Variants in PPARGC1B observed in about 807,000 individuals in gnomAD.
PPARGC1B encodes the protein peroxisome proliferator-activated receptor gamma coactivator 1-beta.
PPARGC1B carries 34 observed loss-of-function variants against 101.6 expected under a neutral mutation model. The observed-to-expected ratio is 0.33, with a 90% CI of 0.25 to 0.45. The LOEUF (loss-of-function observed/expected upper bound fraction) is 0.45. Among genes scored for constraint, PPARGC1B ranks in the 20% least tolerant of loss-of-function variants. The pLI is 1.00. For synonymous variants in PPARGC1B, 548 were observed against 539.3 expected (o/e 1.02, Z -0.22); for missense variants, 1,234 against 1,317.6 (o/e 0.94, Z 0.98).
Position 149,837,107 on chromosome 5 carries a change from C to T in PPARGC1B, c.2618+34C>T. ...AGGGGGCTGCAGGAGAGGCAGCGGG[C>T]AGTGGAGGATCCCAGTTCCCGGGGA... On this transcript the variant is annotated intron_variant, in intron 8 of 11. Coordinates refer to ENST00000309241, the MANE Select transcript of PPARGC1B (RefSeq NM_133263.4). This position sits in a 1 kb window ranked among gnomAD's most constrained non-coding sequence, Gnocchi z 4.2. The T allele has an allele frequency of 6.4e-7, 1 of 1,557,822 alleles. No homozygotes were observed. Among genetic ancestry groups the T allele is most frequent in the South Asian group, 1.2e-5 (1 of 83,170 alleles).
chr5:149,768,094 C>T (rs181295643), intron 1 of PPARGC1B, among the ~76,000 whole-genome samples: 37 of 151,984 alleles, frequency 2.4e-4, no homozygotes, highest in African/African-American at 7.7e-4. Context: ...TGGTTGCTGT[C>T]GCTGCAGAAA....
chr5:149,835,263 C>T, intron 6 of PPARGC1B, 38 bp from the exon 7 acceptor site: 1 of 1,606,106 alleles, frequency 6.2e-7, no homozygotes, highest in South Asian at 1.1e-5. Flanking sequence ...CTGCTGCTGA[C>T]TTGCTTCTTT....
At chr5:149,824,875 T>A (rs978631096) in intron 2 of PPARGC1B, among the ~76,000 whole-genome samples, 1 of 152,242 alleles carries the variant, frequency 6.6e-6, no homozygotes, top group Non-Finnish European at 1.5e-5. Context: ...TTCTAAAAAT[T>A]ACAAACGCGT....
chr5:149,819,654 C>T lies in PPARGC1B; in HGVS notation c.79-779C>T, dbSNP rs563779214. Among the ~76,000 whole-genome samples the T allele has an allele frequency of 4.6e-5, 7 of 152,314 alleles. 1 individual carries two copies. The highest frequency in any genetic ancestry group is 1.7e-4 in the African/African-American group (7 of 41,572). On this transcript the variant is annotated intron_variant, in intron 1 of 11. Transcript: ENST00000309241. Reference sequence around the variant, plus strand: ...AGTTACTGAGATTACAGGCATGCGCCACCACCCCTGGCTAATTTGTGTATT... The same window carrying T: ...AGTTACTGAGATTACAGGCATGCGCTACCACCCCTGGCTAATTTGTGTATT...
Position 149,833,782 on chromosome 5 carries a change from G to A in PPARGC1B, c.1705+4G>A. On this transcript the variant is annotated splice_donor_region_variant and intron_variant, in intron 5 of 11. Transcript: ENST00000309241. The surrounding 1 kb of genome is among the most constrained non-coding windows in gnomAD (Gnocchi z 4.1). ...TGCCCGCAGCTCCCTCCCAGAGGTA[G>A]TCAGAGTTGGTGGTCTGCGAAGTGG... 6.7e-7 allele frequency: 1 copy of A among 1,503,668 alleles called. No individual in the cohort carries two copies. The highest frequency in any genetic ancestry group is 8.8e-7 in the Non-Finnish European group (1 of 1,130,796). The allele number at this position is 1,503,668 out of a possible 1,614,324, so 93.1% of individuals were successfully genotyped here. A position where few individuals can be genotyped will look rare whatever the true frequency, so the allele number is the denominator to read the frequency against.
chr5:149,820,653 TCTC>T (rs1758256528), intron 2 of PPARGC1B, 47 bp downstream of exon 2: 1 of 1,563,170 alleles, frequency 6.4e-7, no homozygotes, highest in Admixed American at 1.7e-5. Flanking sequence ...CAGGCCTCTC[TCTC>T]CTCAAAATCC....
chr5:149,831,778 A>G (rs1758793157), intron 4 of PPARGC1B, among the ~76,000 whole-genome samples: 1 of 152,234 alleles, frequency 6.6e-6, no homozygotes, highest in Non-Finnish European at 1.5e-5. Context: ...AGTGTGGACA[A>G]GCGGGGCGAA....
intron 1 of PPARGC1B, among the ~76,000 whole-genome samples, chr5:149,809,687 T>TA (rs35168335): frequency 0.018 from 1,948 of 109,162 alleles, 45 homozygotes; most frequent in African/African-American, 0.046. Flanking sequence ...GATCCTTTCT[T>TA]AAAAAAAAAA....
At chr5:149,779,605 G>T (rs1756521501) in intron 1 of PPARGC1B, among the ~76,000 whole-genome samples, 1 of 152,208 alleles carries the variant, frequency 6.6e-6, no homozygotes, top group Non-Finnish European at 1.5e-5. Context: ...GCTCTGGGAA[G>T]TCCAGGGAGG....
chr5:149,751,720 A>AT (rs1305474197), intron 1 of PPARGC1B, among the ~76,000 whole-genome samples: 6 of 151,852 alleles, frequency 4.0e-5, no homozygotes, highest in Non-Finnish European at 8.8e-5. Flanking sequence ...AAAAAAAAAA[A>AT]AAGAAAAGAA....
intron 1 of PPARGC1B, among the ~76,000 whole-genome samples, chr5:149,799,692 TG>T (rs1180558470): frequency 1.8e-4 from 18 of 99,428 alleles, no homozygotes; most frequent in African/African-American, 6.3e-4. Context: ...TGCTTGTTGT[TG>T]TTTTTTTTTT....
rs865851601 is a variant in PPARGC1B at position 149,787,282 on chromosome 5, C to G, written c.79-33151C>G. ...TGGAAAAGATGGCCCTCTGGTTGCC[C>G]AGGACTAGGTCATGGGCCCACCCCT... On this transcript the variant is annotated intron_variant, in intron 1 of 11. Transcript: ENST00000309241. 2.4e-4 allele frequency among the ~76,000 whole-genome samples: 36 copies of G among 152,296 alleles called. No individual in the cohort carries two copies. The Middle Eastern group carries it at 0.01, about 43-fold the overall frequency.
rs1581131942 is a variant in PPARGC1B, at chr5:149,849,868, A to G, written c.*2310A>G. ...AAGGCAGGGCTTAGGAAGATGGACC[A>G]AAAAGGGACTTCCCACAGCACAGAC... On this transcript the variant is annotated 3_prime_UTR_variant, in exon 12 of 12. Transcript: ENST00000309241. 1 of 152,254 alleles carries G rather than the reference A, an allele frequency of 6.6e-6. No homozygotes were observed. Among genetic ancestry groups the G allele is most frequent in the African/African-American group, 2.4e-5 (1 of 41,458 alleles). The allele number at this position is 152,254 out of a possible 1,614,324, so 9.4% of individuals were successfully genotyped here. A position where few individuals can be genotyped will look rare whatever the true frequency, so the allele number is the denominator to read the frequency against.
intron 1 of PPARGC1B, among the ~76,000 whole-genome samples, chr5:149,799,882 A>C (rs1757376646): frequency 6.6e-6 from 1 of 151,542 alleles, no homozygotes; most frequent in Non-Finnish European, 1.5e-5. Flanking sequence ...ATTTTTTAAA[A>C]TAGAGATGGT....
intron 1 of PPARGC1B, among the ~76,000 whole-genome samples, chr5:149,732,530 T>G (rs995190500): frequency 6.6e-6 from 1 of 152,232 alleles, no homozygotes; most frequent in Non-Finnish European, 1.5e-5. Context: ...ACTAGAAAAT[T>G]GAATACTCAG....
At chr5:149,830,055 G>GAAAAAAAAAAAAA (rs71587791) in intron 3 of PPARGC1B, among the ~76,000 whole-genome samples, 2 of 89,814 alleles carry the variant, frequency 2.2e-5, no homozygotes, top group Non-Finnish European at 2.1e-5. Context: ...AAAAAAAAAA[G>GAAAAAAAAAAAAA]AAAAAAAAAA....
At chr5:149,845,635 C>T (rs998570221) in intron 10 of PPARGC1B, 125 bp from the exon 11 acceptor site, 6 of 980,702 alleles carry the variant, frequency 6.1e-6, no homozygotes, top group African/African-American at 1.6e-5. Flanking sequence ...TCATCTCTAT[C>T]TAGGGGGCCA....
At chr5:149,755,184 C>T (rs1755471979) in intron 1 of PPARGC1B, among the ~76,000 whole-genome samples, 2 of 151,442 alleles carry the variant, frequency 1.3e-5, no homozygotes, top group Admixed American at 1.3e-4. Flanking sequence ...GCTGGGATTA[C>T]AGGCGTGACC....
chr5:149,844,155 A>T (rs908287429), intron 10 of PPARGC1B, among the ~76,000 whole-genome samples: 4 of 152,218 alleles, frequency 2.6e-5, no homozygotes, highest in African/African-American at 9.6e-5. Flanking sequence ...GTTTTTGCCA[A>T]TTTTTTTAAA....
Sources: allele counts gnomAD v4.1 joint callset (sites outside exome capture counted in the v4.1 genomes callset), GRCh38; gene constraint gnomAD v4.1.1; non-coding constraint Gnocchi (gnomAD v3.1); transcripts MANE v1.5; gene names NCBI Gene and HGNC (gene_info 2026-07-23, HGNC 2026-07-21).